The following CCDC178 variants were observed in gnomAD, a reference collection of about 807,000 sequenced individuals.
CCDC178 encodes coiled-coil domain containing 178.
CCDC178 carries 126 observed loss-of-function variants against 117.4 expected under a neutral mutation model. The observed-to-expected ratio is 1.07, with a 90% CI of 0.93 to 1.24. The LOEUF (loss-of-function observed/expected upper bound fraction) is 1.24. CCDC178 is among the 50% of genes most tolerant of loss of function. The probability of loss-of-function intolerance (pLI) is 0.00; values close to 1 mark genes in which losing one functional copy is unlikely to be tolerated. For missense variants in CCDC178, 1,030 were observed against 986.9 expected, an observed-to-expected ratio of 1.04 and a Z score of -0.59; for synonymous variants, 283 against 313.4, an observed-to-expected ratio of 0.90 and a Z score of 1.02.
intron 18 of CCDC178, among the ~76,000 whole-genome samples, chr18:33,220,274 A>T (rs1455208477): frequency 1.3e-5 from 2 of 152,058 alleles, no homozygotes; most frequent in Non-Finnish European, 2.9e-5. Flanking sequence ...TGTACTATGC[A>T]TTGTATTTGA....
Position 33,391,232 on chromosome 18 carries a change from CGA to C in CCDC178, c.119-1605_119-1604del, listed in dbSNP as rs2063560682. On this transcript the variant is annotated intron_variant, in intron 4 of 22. Coordinates refer to ENST00000383096, the MANE Select transcript of CCDC178 (RefSeq NM_001105528.4). The stretch of plus-strand genomic sequence containing the variant: ...ATCTAGACCTTAAGCTCAACAACAC[CGA>C]GAGTTATTACTTTACAATTGAAGTT... 2.7e-5 allele frequency among the ~76,000 whole-genome samples: 4 copies of C among 150,166 alleles called. No individual in the cohort carries two copies. The South Asian group carries it at 8.5e-4, about 32-fold the overall frequency.
chr18:33,118,738 A>T (rs1399650590), intron 20 of CCDC178, among the ~76,000 whole-genome samples: 3 of 152,198 alleles, frequency 2.0e-5, no homozygotes, highest in Non-Finnish European at 4.4e-5. Context: ...TCACCAAGTC[A>T]ATCCTAAGCC....
intron 22 of CCDC178, among the ~76,000 whole-genome samples, chr18:32,974,225 CT>C (rs1331423388): frequency 6.6e-6 from 1 of 152,098 alleles, no homozygotes; most frequent in African/African-American, 2.4e-5. Flanking sequence ...CACAAGGTAT[CT>C]TGTGTCAACA....
intron 21 of CCDC178, among the ~76,000 whole-genome samples, chr18:33,090,677 A>G (rs947520947): frequency 2.6e-5 from 4 of 152,210 alleles, no homozygotes; most frequent in Admixed American, 2.6e-4. Flanking sequence ...TTGATCCTAC[A>G]TGACACTGAC....
At chr18:33,303,608 G>A (rs1436856556) in intron 11 of CCDC178, among the ~76,000 whole-genome samples, 3 of 151,598 alleles carry the variant, frequency 2.0e-5, no homozygotes, top group Admixed American at 6.6e-5. Flanking sequence ...GGATAAAAGG[G>A]AGCTTTCTAA....
At chr18:33,053,168 G>A (rs769806141) in intron 21 of CCDC178, among the ~76,000 whole-genome samples, 49 of 152,098 alleles carry the variant, frequency 3.2e-4, no homozygotes, top group Non-Finnish European at 5.1e-4. Flanking sequence ...AAAGCCATCT[G>A]GTGTCTGGAC....
intron 20 of CCDC178, among the ~76,000 whole-genome samples, chr18:33,117,586 G>A (rs1371524609): frequency 6.6e-6 from 1 of 151,982 alleles, no homozygotes; most frequent in Non-Finnish European, 1.5e-5. Context: ...GGGGGGAGCG[G>A]GGAGAGGGAT....
intron 20 of CCDC178, among the ~76,000 whole-genome samples, chr18:33,193,260 C>A (rs2058884308): frequency 3.3e-5 from 2 of 61,244 alleles, no homozygotes; most frequent in African/African-American, 6.9e-5. Flanking sequence ...GAGACTCCGT[C>A]TCACAAAAAA....
intron 21 of CCDC178, among the ~76,000 whole-genome samples, chr18:33,046,791 C>A (rs532189047): frequency 6.6e-6 from 1 of 152,202 alleles, no homozygotes; most frequent in South Asian, 2.1e-4. Flanking sequence ...GATGTGAACC[C>A]CTAGCAAACT....
chr18:32,999,269 A>G (rs1280881587), intron 21 of CCDC178, among the ~76,000 whole-genome samples: 1 of 152,012 alleles, frequency 6.6e-6, no homozygotes, highest in Admixed American at 6.6e-5. Flanking sequence ...AAGGGGAGGA[A>G]AGAGGGGGAA....
At chr18:33,286,469 T>G (rs1008706393) in intron 12 of CCDC178, among the ~76,000 whole-genome samples, 3 of 152,222 alleles carry the variant, frequency 2.0e-5, no homozygotes, top group African/African-American at 7.2e-5. Context: ...AAATTGTTAG[T>G]ATTAGAAATA....
At chr18:33,146,313 A>C (rs1179799642) in intron 20 of CCDC178, among the ~76,000 whole-genome samples, 3 of 152,232 alleles carry the variant, frequency 2.0e-5, no homozygotes, top group Non-Finnish European at 1.5e-5. Context: ...AGTGAGAGAT[A>C]AAATTGAAAA....
At chr18:33,371,789 A>ACACACC in intron 5 of CCDC178, among the ~76,000 whole-genome samples, 1 of 123,176 alleles carries the variant, frequency 8.1e-6, no homozygotes, top group African/African-American at 2.6e-5. Context: ...ATATATACAC[A>ACACACC]CACACACACA....
intron 22 of CCDC178, among the ~76,000 whole-genome samples, chr18:32,951,770 G>T (rs998614761): frequency 5.3e-5 from 8 of 152,152 alleles, no homozygotes; most frequent in African/African-American, 1.4e-4. Flanking sequence ...CCTGAGACAA[G>T]GCAAGTCCTT....
intron 11 of CCDC178, among the ~76,000 whole-genome samples, chr18:33,298,747 C>T (rs191362122): frequency 6.6e-6 from 1 of 151,876 alleles, no homozygotes; most frequent in African/African-American, 2.4e-5. Context: ...GAAGACTCTA[C>T]CAAAAAATGC....
In CCDC178 at chr18:33,356,376, C is replaced by A. The variant is rs1192967034; in HGVS notation, c.349-30G>T. 3.4e-6 allele frequency: 5 copies of A among 1,459,018 alleles called. No individual in the cohort carries two copies. In the South Asian group the frequency reaches 5.1e-5, roughly 15 times the overall value. 90.4% of individuals were successfully genotyped at this position (1,459,018 alleles called of 1,614,324 possible). On this transcript the variant is annotated intron_variant, in intron 6 of 22. Coordinates refer to ENST00000383096, the MANE Select transcript of CCDC178 (RefSeq NM_001105528.4). ...CAAAACAAAAGATCTCAATAAAAATCAAATCTTAAACATATTAAAAAACTG... is the reference window on the plus strand; with the variant it reads ...CAAAACAAAAGATCTCAATAAAAATAAAATCTTAAACATATTAAAAAACTG...
At chr18:33,356,449 C>T (rs2063058786) in intron 6 of CCDC178, 103 bp from the exon 7 acceptor site, 2 of 1,134,322 alleles carry the variant, frequency 1.8e-6, no homozygotes, top group East Asian at 3.1e-5. Context: ...CATATCTCTA[C>T]TTCATTATAT....
In CCDC178 at chr18:33,005,809, C is replaced by T. The variant is rs559934635; in HGVS notation, c.2389-31128G>A. On this transcript the variant is annotated intron_variant, in intron 21 of 22. Transcript: ENST00000383096. ...TTTTCTACAGTTCTAACTCTGTGTA[C>T]ACAAAGAAAGTAATGATCTTTTACG... Among the ~76,000 whole-genome samples the T allele has an allele frequency of 7.2e-4, 110 of 151,940 alleles. 1 individual carries two copies. The highest frequency in any genetic ancestry group is 1.3e-3 in the Non-Finnish European group (86 of 67,890).
chr18:33,123,042 G>A (rs1484496370), intron 20 of CCDC178, among the ~76,000 whole-genome samples: 3 of 152,144 alleles, frequency 2.0e-5, no homozygotes, highest in Non-Finnish European at 2.9e-5. Flanking sequence ...CAGATATTTC[G>A]CTGTCAGCAT....
Sources: gnomAD v4.1 joint callset for allele counts (sites outside exome capture counted in the v4.1 genomes callset) on GRCh38, gnomAD v4.1.1 for gene constraint, MANE v1.5 for transcripts, NCBI Gene and HGNC (gene_info 2026-07-23, HGNC 2026-07-21) for gene names.